The following TWSG1 variants were observed in gnomAD, a reference collection of about 807,000 sequenced individuals.
TWSG1 encodes the protein twisted gastrulation BMP signaling modulator 1.
Under a neutral mutation model 23.0 loss-of-function variants are expected in TWSG1, and 15 were observed. That is an observed-to-expected ratio of 0.65 (90% confidence interval 0.44 to 1.00). The LOEUF is 1.00. Ranked by LOEUF, TWSG1 falls within the 50% of genes least tolerant of loss-of-function variation. The pLI is 0.00. For missense variants in TWSG1, 242 were observed against 278.7 expected (o/e 0.87, Z 0.94); for synonymous variants, 86 against 92.8 (o/e 0.93, Z 0.42).
intron 3 of TWSG1, among the ~76,000 whole-genome samples, chr18:9,362,734 T>C (rs1004790242): frequency 6.6e-6 from 1 of 152,184 alleles, no homozygotes; most frequent in African/African-American, 2.4e-5. Context: ...TTTTTTCCAC[T>C]GAGAAAGAAT....
rs930383099 is a variant in TWSG1 at position 9,361,713 on chromosome 18, T to A, written c.223+1642T>A. On this transcript the variant is annotated intron_variant, in intron 3 of 4. Transcript: ENST00000262120. Reference sequence around the variant, plus strand: ...AACAGTAAGCATACTTTTATTTACGTTCCTTGTTTTTTTCCCATACTCATC... The same window carrying A: ...AACAGTAAGCATACTTTTATTTACGATCCTTGTTTTTTTCCCATACTCATC... 3.9e-5 allele frequency among the ~76,000 whole-genome samples: 6 copies of A among 152,280 alleles called. No homozygotes were observed. The East Asian group carries it at 1.2e-3, about 29-fold the overall frequency.
intron 2 of TWSG1, among the ~76,000 whole-genome samples, chr18:9,348,289 C>G (rs1264166987): frequency 1.3e-5 from 2 of 152,114 alleles, no homozygotes; most frequent in Non-Finnish European, 2.9e-5. Context: ...GTGGGAGTAG[C>G]CTAACTGATC....
chr18:9,338,470 C>T (rs932761971), intron 2 of TWSG1, among the ~76,000 whole-genome samples: 4 of 152,160 alleles, frequency 2.6e-5, no homozygotes, highest in Non-Finnish European at 2.9e-5. Flanking sequence ...TATCTATACC[C>T]TCCTACATTA....
At chr18:9,372,734 C>T (rs1326903114) in intron 3 of TWSG1, among the ~76,000 whole-genome samples, 2 of 151,226 alleles carry the variant, frequency 1.3e-5, no homozygotes, top group African/African-American at 4.9e-5. Flanking sequence ...ACTGCACACT[C>T]CAGGACAACC....
At chr18:9,337,791 T>G (rs1413661645) in intron 2 of TWSG1, among the ~76,000 whole-genome samples, 1 of 152,232 alleles carries the variant, frequency 6.6e-6, no homozygotes, top group African/African-American at 2.4e-5. Flanking sequence ...CTTAGTGCAA[T>G]AAACATGTAT....
intron 2 of TWSG1, among the ~76,000 whole-genome samples, chr18:9,343,899 G>C (rs2040460125): frequency 6.6e-6 from 1 of 152,132 alleles, no homozygotes; most frequent in Admixed American, 6.5e-5. Flanking sequence ...ATCTTTGTTT[G>C]TTTTTTAAGA....
intron 3 of TWSG1, among the ~76,000 whole-genome samples, chr18:9,381,603 A>G (rs2040656647): frequency 6.6e-6 from 1 of 152,196 alleles, no homozygotes; most frequent in Non-Finnish European, 1.5e-5. Flanking sequence ...ATTAACATAT[A>G]TGTATTTCTC....
intron 3 of TWSG1, among the ~76,000 whole-genome samples, chr18:9,362,873 T>G (rs2040558747): frequency 6.6e-6 from 1 of 152,204 alleles, no homozygotes; most frequent in South Asian, 2.1e-4. Context: ...TTGAGTAAGT[T>G]CATAATGTAA....
chr18:9,392,703 CT>C (rs1598835853), intron 3 of TWSG1, among the ~76,000 whole-genome samples: 1 of 152,214 alleles, frequency 6.6e-6, no homozygotes, highest in East Asian at 1.9e-4. Flanking sequence ...CTTTCTTCTT[CT>C]TTTTCTTTTT....
At chr18:9,358,273 T>C (rs965025907) in intron 2 of TWSG1, among the ~76,000 whole-genome samples, 4 of 152,100 alleles carry the variant, frequency 2.6e-5, no homozygotes, top group African/African-American at 9.7e-5. Flanking sequence ...TTACCTCTTA[T>C]TTTGAAACGG....
intron 3 of TWSG1, among the ~76,000 whole-genome samples, chr18:9,395,815 C>T (rs1311713126): frequency 6.6e-6 from 1 of 152,194 alleles, no homozygotes; most frequent in Non-Finnish European, 1.5e-5. Context: ...GATCCTCCCA[C>T]CTTGGCCTCC....
chr18:9,358,388 C>A lies in TWSG1; in HGVS notation c.124-1584C>A, dbSNP rs187548909. 1.6e-3 allele frequency among the ~76,000 whole-genome samples: 249 copies of A among 152,254 alleles called. 2 individuals carry two copies. Among genetic ancestry groups the A allele is most frequent in the Non-Finnish European group, 2.4e-3 (161 of 68,034 alleles). Reference sequence around the variant, plus strand: ...GAATCTTGGAAGACAATCTGATTGACCAGCTACAGTCTGTTTTTCACCTGT... The same window carrying A: ...GAATCTTGGAAGACAATCTGATTGAACAGCTACAGTCTGTTTTTCACCTGT... On this transcript the variant is annotated intron_variant, in intron 2 of 4. Transcript: ENST00000262120.
chr18:9,382,806 CA>C (rs369549581), intron 3 of TWSG1, among the ~76,000 whole-genome samples: 77 of 80,654 alleles, frequency 9.5e-4, no homozygotes, highest in African/African-American at 3.5e-3. Context: ...GACTCCGTCT[CA>C]AAAAAAAAAA....
intron 2 of TWSG1, among the ~76,000 whole-genome samples, chr18:9,352,312 A>C (rs1423346641): frequency 6.6e-6 from 1 of 152,062 alleles, no homozygotes; most frequent in African/African-American, 2.4e-5. Flanking sequence ...GATGTACTAC[A>C]ATTTGTTTAT....
At chr18:9,365,562 G>A (rs1296205896) in intron 3 of TWSG1, among the ~76,000 whole-genome samples, 1 of 151,834 alleles carries the variant, frequency 6.6e-6, no homozygotes, top group East Asian at 1.9e-4. Context: ...CAGCTACTTG[G>A]GTGGGAGCGG....
At chr18:9,396,774 ATGT>A in intron 4 of TWSG1, 1 of 605,218 alleles carries the variant, frequency 1.7e-6, no homozygotes, top group Non-Finnish European at 2.8e-6. Flanking sequence ...ATAAAAAGGC[ATGT>A]CGGCTGGGCG....
At chr18:9,353,868 G>A (rs1191681804) in intron 2 of TWSG1, among the ~76,000 whole-genome samples, 1 of 152,166 alleles carries the variant, frequency 6.6e-6, no homozygotes, top group Non-Finnish European at 1.5e-5. Context: ...AAAAAATTAA[G>A]TATTGCATTC....
rs183443146 is a variant in TWSG1, at chr18:9,377,436, C to T, written c.223+17365C>T. On this transcript the variant is annotated intron_variant, in intron 3 of 4. Coordinates refer to ENST00000262120, the MANE Select transcript of TWSG1 (RefSeq NM_020648.6). ...GTTTCACCATGTTGGCCAGGTTGGT[C>T]TCGAACTCCTGACCTCAAGTGATCT... Among the ~76,000 whole-genome samples, 339 of 149,924 alleles carry T rather than the reference C, an allele frequency of 2.3e-3. 1 individual carries two copies. Among genetic ancestry groups the T allele is most frequent in the African/African-American group, 7.6e-3 (309 of 40,738 alleles).
chr18:9,340,850 T>C (rs1598819366), intron 2 of TWSG1, among the ~76,000 whole-genome samples: 1 of 152,380 alleles, frequency 6.6e-6, no homozygotes, highest in East Asian at 1.9e-4. Context: ...GCTGAAAATC[T>C]GATTTTAAAT....
Sources: gnomAD v4.1 joint callset for allele counts (sites outside exome capture counted in the v4.1 genomes callset) on GRCh38, gnomAD v4.1.1 for gene constraint, MANE v1.5 for transcripts, NCBI Gene and HGNC (gene_info 2026-07-23, HGNC 2026-07-21) for gene names.